The following LIG1 variants were observed in gnomAD, a reference collection of about 807,000 sequenced individuals.
The protein encoded by LIG1 is ligase I, DNA, ATP-dependent.
LIG1 carries 70 observed loss-of-function variants against 115.7 expected under a neutral mutation model. That is an observed-to-expected ratio of 0.60 (90% CI 0.50 to 0.74). The LOEUF (loss-of-function observed/expected upper bound fraction) is 0.74, where lower values mean the gene tolerates loss of function less well. Among genes scored for constraint, LIG1 ranks in the 30% least tolerant of loss-of-function variants. The probability of loss-of-function intolerance (pLI) is 0.00; values close to 1 mark genes in which losing one functional copy is unlikely to be tolerated. For missense variants in LIG1, 1,115 were observed against 1,225.6 expected, an observed-to-expected ratio of 0.91 and a Z score of 1.35; for synonymous variants, 487 against 495.3, an observed-to-expected ratio of 0.98 and a Z score of 0.22.
intron 21 of LIG1, chr19:48,126,933 A>G (rs369419576): frequency 3.1e-6 from 1 of 319,574 alleles, no homozygotes. Context: ...TGGTGAGACT[A>G]GAGGCATTAT....
chr19:48,161,220 G>A, intron 4 of LIG1, 152 bp downstream of exon 4: 3 of 1,139,244 alleles, frequency 2.6e-6, no homozygotes, highest in South Asian at 2.6e-5. Flanking sequence ...ATTAGGACCA[G>A]GTTGTGTCTG....
intron 18 of LIG1, among the ~76,000 whole-genome samples, chr19:48,132,515 G>C (rs546204326): frequency 4.6e-5 from 7 of 152,174 alleles, no homozygotes; most frequent in African/African-American, 1.4e-4. Context: ...CTAGAGGCCA[G>C]GCACGATGGT....
At chr19:48,119,474 C>T (rs3731039) in intron 24 of LIG1, among the ~76,000 whole-genome samples, 84 of 151,798 alleles carry the variant, frequency 5.5e-4, no homozygotes, top group Non-Finnish European at 1.1e-3. Context: ...GAAGTCACTC[C>T]CTTATGCTCA....
chr19:48,158,465 G>A (rs772251415), intron 4 of LIG1, among the ~76,000 whole-genome samples: 5 of 152,234 alleles, frequency 3.3e-5, no homozygotes, highest in South Asian at 2.1e-4. Flanking sequence ...CACTGCTACC[G>A]TGTCTCGGTT....
chr19:48,136,144 A>G lies in LIG1; in HGVS notation c.1332-19T>C, dbSNP rs2034375468. The G allele has an allele frequency of 6.5e-7, 1 of 1,550,118 alleles. No homozygotes were observed. Among genetic ancestry groups the G allele is most frequent in the East Asian group, 2.4e-5 (1 of 41,454 alleles). On this transcript the variant is annotated intron_variant, in intron 14 of 27. Transcript: ENST00000263274. ...CAGGGACCTGGGGAGAGAGCAGGCC[A>G]GGGAAGGGGGCTTGTCTGCACCTCC... is the stretch of plus-strand genomic sequence containing the variant.
intron 14 of LIG1, 46 bp downstream of exon 14, chr19:48,136,962 C>T (rs750758450): frequency 1.3e-5 from 19 of 1,475,598 alleles, no homozygotes; most frequent in South Asian, 9.4e-5. Context: ...CTTTCACCTC[C>T]GAGCCTGCAG....
In LIG1 at chr19:48,146,407, T is replaced by A. The variant is rs560514811; in HGVS notation, c.777-2444A>T. ...AAAGTATGACGCAGTGAGTCCAAAA[T>A]CTCTTTGATGTCATGCCTCTACAAA... On this transcript the variant is annotated intron_variant, in intron 9 of 27. Transcript: ENST00000263274. Among the ~76,000 whole-genome samples, 6 of 152,348 alleles carry A rather than the reference T, an allele frequency of 3.9e-5. No homozygotes were observed. The East Asian group carries it at 9.6e-4, about 24-fold the overall frequency.
intron 26 of LIG1, 47 bp from the exon 27 acceptor site, chr19:48,116,012 C>A: frequency 7.1e-7 from 1 of 1,399,234 alleles, no homozygotes; most frequent in Non-Finnish European, 1.0e-6. Flanking sequence ...CCAGCGACCC[C>A]CTGCTCAGTC....
chr19:48,140,547 G>A (rs961030761), intron 11 of LIG1, among the ~76,000 whole-genome samples: 2 of 152,136 alleles, frequency 1.3e-5, no homozygotes, highest in Admixed American at 6.5e-5. Flanking sequence ...ACCTGCCTTC[G>A]CAAGACTCAC....
chr19:48,117,537 C>T, intron 26 of LIG1, 101 bp downstream of exon 26: 1 of 1,251,550 alleles, frequency 8.0e-7, no homozygotes, highest in Non-Finnish European at 1.1e-6. Context: ...TGATCCTTAC[C>T]TGGAAGAGCA....
At chr19:48,155,658 C>A (rs1381951629) in intron 5 of LIG1, among the ~76,000 whole-genome samples, 1 of 152,200 alleles carries the variant, frequency 6.6e-6, no homozygotes, top group Non-Finnish European at 1.5e-5. Flanking sequence ...CCAGGTTGAA[C>A]TTGGTTTGAA....
chr19:48,150,199 G>A lies in LIG1; in HGVS notation c.586C>T (p.Pro196Ser), dbSNP rs753878725. The A allele has an allele frequency of 1.9e-6, 3 of 1,614,166 alleles. No homozygotes were observed. The highest frequency in any genetic ancestry group is 2.2e-5 in the South Asian group (2 of 91,086). The part of the protein sequence containing the change: ...KPLKTSKAET[P>S]TESVSEPEVA... ...TCAGGCTCTGAAACGCTTTCCGTCG[G>A]GGTCTCTGCTTCTGCGGTGAGAGAG... The change falls in exon 8 of 28, where the codon CCG becomes TCG. Residue 196 changes from proline to serine, a missense_variant. Transcript: ENST00000263274.
intron 17 of LIG1, chr19:48,133,507 C>G (rs2034177060): frequency 3.2e-6 from 1 of 312,242 alleles, no homozygotes; most frequent in African/African-American, 2.1e-5. Flanking sequence ...GACACAGCTG[C>G]ACACCTGTAC....
intron 9 of LIG1, among the ~76,000 whole-genome samples, chr19:48,147,575 A>T (rs2035195743): frequency 6.6e-6 from 1 of 151,962 alleles, no homozygotes; most frequent in Non-Finnish European, 1.5e-5. Flanking sequence ...TGAGAGGCTG[A>T]GGTGGGAGGA....
intron 20 of LIG1, 168 bp from the exon 21 acceptor site, chr19:48,127,516 C>G: frequency 1.5e-6 from 1 of 661,028 alleles, no homozygotes. Context: ...GTTAACGGCT[C>G]TCAGCTAATT....
At chr19:48,166,346 G>A (rs956416927) in intron 1 of LIG1, among the ~76,000 whole-genome samples, 6 of 152,136 alleles carry the variant, frequency 3.9e-5, no homozygotes, top group African/African-American at 7.2e-5. Flanking sequence ...GCAGTGACCC[G>A]AGATTGTGCT....
intron 26 of LIG1, among the ~76,000 whole-genome samples, chr19:48,116,689 A>C (rs2032862335): frequency 6.6e-6 from 1 of 152,152 alleles, no homozygotes; most frequent in Admixed American, 6.5e-5. Context: ...GGATTTTGAG[A>C]GGATTAAATG....
intron 12 of LIG1, among the ~76,000 whole-genome samples, chr19:48,138,533 T>C (rs1005761356): frequency 6.6e-6 from 1 of 152,162 alleles, no homozygotes; most frequent in Non-Finnish European, 1.5e-5. Context: ...GCCTCACCAA[T>C]GGGATGTTAT....
At chr19:48,140,189 A>G (rs944042259) in intron 11 of LIG1, 46 bp from the exon 12 acceptor site, 2 of 1,550,976 alleles carry the variant, frequency 1.3e-6, no homozygotes, top group African/African-American at 2.7e-5. Context: ...CTCAAGGTCA[A>G]AGTGTGGTGT....
Sources: gnomAD v4.1 joint callset for allele counts (sites outside exome capture counted in the v4.1 genomes callset) on GRCh38, gnomAD v4.1.1 for gene constraint, MANE v1.5 for transcripts, NCBI Gene and HGNC (gene_info 2026-07-23, HGNC 2026-07-21) for gene names.